KALRN: variants seen among roughly 807,000 people sequenced by gnomAD.
KALRN encodes kalirin.
Under a neutral mutation model 353.7 loss-of-function variants are expected in KALRN, and 70 were observed. That is an observed-to-expected ratio of 0.20 (90% CI 0.16 to 0.24). The LOEUF (loss-of-function observed/expected upper bound fraction) is 0.24. Ranked by LOEUF, KALRN falls within the 10% of genes least tolerant of loss-of-function variation. The probability of loss-of-function intolerance (pLI) is 1.00; values close to 1 mark genes in which losing one functional copy is unlikely to be tolerated. For synonymous variants in KALRN, 1,391 were observed against 1,434.8 expected, an observed-to-expected ratio of 0.97 and a Z score of 0.69; for missense variants, 2,791 against 3,756.7, an observed-to-expected ratio of 0.74 and a Z score of 6.72.
intron 49 of KALRN, chr3:124,675,518 C>CTTTTTTTTTT (rs67279805): frequency 8.7e-6 from 1 of 114,604 alleles, no homozygotes; most frequent in Non-Finnish European, 2.0e-5. Flanking sequence ...TCCTCTTCTT[C>CTTTTTTTTTT]TTTTTTTTTT....
At chr3:124,252,192 AG>A (rs2071263953) in intron 3 of KALRN, among the ~76,000 whole-genome samples, 1 of 152,176 alleles carries the variant, frequency 6.6e-6, no homozygotes, top group Non-Finnish European at 1.5e-5. Context: ...TAGAATCACC[AG>A]GGGGAACTTT....
rs1044694083 is a variant in KALRN, at chr3:124,720,097, T to A, written c.*627T>A. 2.0e-5 allele frequency: 3 copies of A among 152,122 alleles called. No homozygotes were observed. Among genetic ancestry groups the A allele is most frequent in the Non-Finnish European group, 4.4e-5 (3 of 68,008 alleles). The allele number at this position is 152,122 out of a possible 1,614,324, so 9.4% of individuals were successfully genotyped here. A position where few individuals can be genotyped will look rare whatever the true frequency, so the allele number is the denominator to read the frequency against. On this transcript the variant is annotated 3_prime_UTR_variant, in exon 60 of 60. Transcript: ENST00000682506. ...TGACTAAGCACAATTAGATGACAAG[T>A]TTTTTTAGAGCATTTTATAGATCTT...
intron 1 of KALRN, among the ~76,000 whole-genome samples, chr3:124,181,076 C>CA (rs60579271): frequency 0.034 from 1,881 of 55,188 alleles, 36 homozygotes; most frequent in Middle Eastern, 0.045. Flanking sequence ...ACTAAAAATA[C>CA]AAAAAAAAAA....
chr3:124,086,191 G>A (rs1463916925), intron 1 of KALRN, among the ~76,000 whole-genome samples: 2 of 151,982 alleles, frequency 1.3e-5, no homozygotes, highest in Non-Finnish European at 2.9e-5. Flanking sequence ...CAGTAGGTGA[G>A]AATCTTAGAA....
chr3:124,440,340 G>A (rs80149038), intron 18 of KALRN, among the ~76,000 whole-genome samples: 2,282 of 152,200 alleles, frequency 0.015, 70 homozygotes, highest in East Asian at 0.076. Flanking sequence ...CTGGTCTGAT[G>A]TTTTCCATAT....
chr3:124,352,095 A>G (rs1325412781), intron 10 of KALRN, among the ~76,000 whole-genome samples: 1 of 152,258 alleles, frequency 6.6e-6, no homozygotes, highest in African/African-American at 2.4e-5. Flanking sequence ...CCTGGTCCTT[A>G]GTCAACTAAT....
chr3:124,618,034 T>C (rs528103295), intron 34 of KALRN, among the ~76,000 whole-genome samples: 3 of 150,340 alleles, frequency 2.0e-5, no homozygotes, highest in Non-Finnish European at 2.9e-5. Context: ...GCAAGTAGAT[T>C]TAAACTATCT....
At chr3:124,262,619 G>A (rs1580210049) in intron 3 of KALRN, among the ~76,000 whole-genome samples, 1 of 152,268 alleles carries the variant, frequency 6.6e-6, no homozygotes, top group East Asian at 1.9e-4. Flanking sequence ...CTCTCCTGGG[G>A]ACTTTTCTAT....
chr3:124,199,095 C>G (rs367924187), intron 1 of KALRN, among the ~76,000 whole-genome samples: 4 of 152,252 alleles, frequency 2.6e-5, no homozygotes, highest in African/African-American at 9.6e-5. Flanking sequence ...GAAGCCGAGG[C>G]CAGGCTGCCT....
rs376965892 is a variant in KALRN at position 124,341,215 on chromosome 3, A to G, written c.1648-5928A>G. 8.6e-4 allele frequency among the ~76,000 whole-genome samples: 131 copies of G among 152,352 alleles called. 5 individuals are homozygous for G. The South Asian group carries it at 0.023, about 26-fold the overall frequency. On this transcript the variant is annotated intron_variant, in intron 9 of 59. Coordinates refer to ENST00000682506, the MANE Select transcript of KALRN (RefSeq NM_001388419.1). ...AGACTACTTTCTGGTTGAAAAGTCA[A>G]GACGAGAAACCAAGAAGATCTTTAC...
chr3:124,653,909 T>G (rs1209310190), intron 38 of KALRN, among the ~76,000 whole-genome samples: 1 of 152,240 alleles, frequency 6.6e-6, no homozygotes, highest in Non-Finnish European at 1.5e-5. Context: ...TTTCAGAATG[T>G]CTTTTAATAC....
At chr3:124,148,213 T>C (rs2067625358) in intron 1 of KALRN, among the ~76,000 whole-genome samples, 1 of 152,168 alleles carries the variant, frequency 6.6e-6, no homozygotes, top group African/African-American at 2.4e-5. Context: ...GCATTTTTTG[T>C]TTTTAGTACT....
At chr3:124,361,974 T>C (rs2084095981) in intron 10 of KALRN, among the ~76,000 whole-genome samples, 2 of 152,126 alleles carry the variant, frequency 1.3e-5, no homozygotes, top group Non-Finnish European at 2.9e-5. Context: ...CAGGTGTGAT[T>C]TGAGGTGGGC....
chr3:124,619,467 C>CTTTTTATT (rs1158025962), intron 34 of KALRN, among the ~76,000 whole-genome samples: 16 of 138,238 alleles, frequency 1.2e-4, no homozygotes, highest in Admixed American at 5.9e-4. Flanking sequence ...GTGATAATTC[C>CTTTTTATT]TTTTTATTTT....
intron 5 of KALRN, among the ~76,000 whole-genome samples, chr3:124,290,695 G>A (rs972082598): frequency 6.6e-6 from 1 of 152,146 alleles, no homozygotes; most frequent in African/African-American, 2.4e-5. Context: ...GGGAGATGAT[G>A]ATATTGAGGG....
intron 58 of KALRN, 57 bp downstream of exon 58, chr3:124,713,192 C>A (rs1176604486): frequency 2.1e-6 from 3 of 1,456,532 alleles, no homozygotes; most frequent in Non-Finnish European, 2.8e-6. Flanking sequence ...TTAGCTTTTG[C>A]CCACAATTAA....
chr3:124,478,428 C>G (rs993883483), intron 27 of KALRN, among the ~76,000 whole-genome samples: 3 of 152,188 alleles, frequency 2.0e-5, no homozygotes, highest in African/African-American at 7.2e-5. Flanking sequence ...TCTAGCCTGG[C>G]ACTGCCTCAA....
In KALRN at chr3:124,365,368, T is replaced by G. The variant is rs749328663; in HGVS notation, c.1770+18103T>G. On this transcript the variant is annotated intron_variant, in intron 10 of 59. Transcript: ENST00000682506. ...GCTAAGTTTGTCTATTTCTACTCAC[T>G]GTTGTGTCTCTCCCAACACTACAGT... 9.5e-4 allele frequency among the ~76,000 whole-genome samples: 144 copies of G among 152,180 alleles called. 1 individual carries two copies. Among genetic ancestry groups the G allele is most frequent in the African/African-American group, 3.9e-4 (16 of 41,444 alleles).
rs370283316 is a variant in KALRN at position 124,680,822 on chromosome 3, C to T, written c.7377+1305C>T. 1.8e-4 allele frequency among the ~76,000 whole-genome samples: 27 copies of T among 152,306 alleles called. 1 individual carries two copies. In the Middle Eastern group the frequency reaches 0.031, roughly 173 times the overall value. The stretch of plus-strand genomic sequence containing the variant: ...TAAATCTGGTAGGTGTGGCTCAATA[C>T]GTACCCCACTGTGGGAGAAAGTGGA... On this transcript the variant is annotated intron_variant, in intron 51 of 59. Transcript: ENST00000682506.
Sources: allele counts gnomAD v4.1 joint callset (sites outside exome capture counted in the v4.1 genomes callset), GRCh38; gene constraint gnomAD v4.1.1; transcripts MANE v1.5; gene names NCBI Gene and HGNC (gene_info 2026-07-23, HGNC 2026-07-21).